NCF2: variants seen among roughly 807,000 people sequenced by gnomAD.
The protein encoded by NCF2 is neutrophil cytosol factor 2.
In NCF2, 45 loss-of-function variants were observed where a neutral mutation model predicts 70.9. That is an observed-to-expected ratio of 0.63 (90% CI 0.50 to 0.81). The LOEUF (loss-of-function observed/expected upper bound fraction) is 0.81, where lower values mean the gene tolerates loss of function less well. NCF2 is among the 40% of genes least tolerant of loss of function. The pLI is 0.00. For missense variants in NCF2, 522 were observed against 631.6 expected, an observed-to-expected ratio of 0.83 and a Z score of 1.86; for synonymous variants, 203 against 233.6, an observed-to-expected ratio of 0.87 and a Z score of 1.19.
chr1:183,558,238 CT>C (rs961453842), intron 14 of NCF2, among the ~76,000 whole-genome samples: 8 of 150,710 alleles, frequency 5.3e-5, no homozygotes, highest in East Asian at 1.9e-4. Context: ...CCCCCATTAA[CT>C]TTTTTTTTAA....
the NCF2 span, among the ~76,000 whole-genome samples, chr1:183,601,040 C>T: frequency 5.3e-5 from 8 of 152,146 alleles, no homozygotes; most frequent in African/African-American, 1.7e-4. Context: ...AGAATATATT[C>T]ACATGGTTCA....
chr1:183,577,879 A>T (rs1672870025), intron 2 of NCF2, among the ~76,000 whole-genome samples, 172 bp from the exon 3 acceptor site: 1 of 151,694 alleles, frequency 6.6e-6, no homozygotes, highest in Non-Finnish European at 1.5e-5. Context: ...ATTCTATACA[A>T]CTCCTTGGGA....
At chr1:183,601,360 T>C in the NCF2 span, among the ~76,000 whole-genome samples, 1 of 152,254 alleles carries the variant, frequency 6.6e-6, no homozygotes, top group Non-Finnish European at 1.5e-5. Flanking sequence ...TCCAATTGTA[T>C]ACTATCATCA....
At chr1:183,587,252 C>T (rs2102935316) in intron 1 of NCF2, among the ~76,000 whole-genome samples, 1 of 152,312 alleles carries the variant, frequency 6.6e-6, no homozygotes, top group South Asian at 2.1e-4. Context: ...CATATACCAT[C>T]TGATTTCTGC....
At chr1:183,593,919 T>C (rs190433190), upstream of NCF2, among the ~76,000 whole-genome samples, 1 of 152,206 alleles carries the variant, frequency 6.6e-6, no homozygotes, top group East Asian at 1.9e-4. Flanking sequence ...TCCCCAGTGA[T>C]AAAAAATAAA....
intron 13 of NCF2, among the ~76,000 whole-genome samples, chr1:183,561,079 GCC>G (rs1672025127): frequency 6.6e-6 from 1 of 152,170 alleles, no homozygotes; most frequent in Non-Finnish European, 1.5e-5. Context: ...ACTGCACAAT[GCC>G]ATACTTGTTT....
chr1:183,577,982 ACTGTCAC>A (rs1169804519), intron 2 of NCF2, among the ~76,000 whole-genome samples: 5 of 152,168 alleles, frequency 3.3e-5, no homozygotes, highest in African/African-American at 9.7e-5. Flanking sequence ...ACTGCATACA[ACTGTCAC>A]CTTTCTGACA....
At chr1:183,563,140 G>A (rs939259602) in intron 13 of NCF2, 55 bp downstream of exon 13, 11 of 1,503,850 alleles carry the variant, frequency 7.3e-6, no homozygotes, top group Admixed American at 1.7e-5. Flanking sequence ...ATTTCAAATT[G>A]TTGAGGAAGT....
intron 14 of NCF2, among the ~76,000 whole-genome samples, chr1:183,557,171 T>C (rs1671828315): frequency 6.6e-6 from 1 of 152,244 alleles, no homozygotes; most frequent in Non-Finnish European, 1.5e-5. Flanking sequence ...TTCAGAGCCA[T>C]TCTGCCAGTA....
Position 183,563,418 on chromosome 1 carries a change from C to T in NCF2, c.1178+16G>A, listed in dbSNP as rs1325005888. 5.0e-6 allele frequency: 8 copies of T among 1,614,080 alleles called. No homozygotes were observed. In the Admixed American group the frequency reaches 1.0e-4, roughly 20 times the overall value. ...GTTCCCACTGTACCCCTCACAGCTG[C>T]CTGCATGGAGCTCACCTCAGCTTAG... On this transcript the variant is annotated intron_variant, in intron 12 of 14. Transcript: ENST00000367535.
chr1:183,562,994 G>T (rs192417377), intron 13 of NCF2, among the ~76,000 whole-genome samples: 4 of 152,162 alleles, frequency 2.6e-5, no homozygotes, highest in Non-Finnish European at 5.9e-5. Context: ...TGGGCCTGCT[G>T]TTCTCTTGTG....
rs533434483 is a variant in NCF2 at position 183,558,166 on chromosome 1, G to A, written c.1468+1930C>T. Among the ~76,000 whole-genome samples, 47 of 151,888 alleles carry A rather than the reference G, an allele frequency of 3.1e-4. No individual in the cohort carries two copies. In the South Asian group the frequency reaches 5.2e-3, roughly 17 times the overall value. On this transcript the variant is annotated intron_variant, in intron 14 of 14. Coordinates refer to ENST00000367535, the MANE Select transcript of NCF2 (RefSeq NM_000433.4). ...TGGGGTTACCAGCATGAGCCACCAC[G>A]CCCAGCCTATACTACTCATATTTTT... is the stretch of plus-strand genomic sequence containing the variant.
chr1:183,582,903 G>A (rs1413235107), intron 2 of NCF2, among the ~76,000 whole-genome samples: 15 of 152,096 alleles, frequency 9.9e-5, no homozygotes, highest in Non-Finnish European at 1.5e-4. Flanking sequence ...TCAGAAATGT[G>A]CTCTAACTTT....
At chr1:183,572,734 G>T (rs1359137039) in intron 5 of NCF2, among the ~76,000 whole-genome samples, 3 of 151,918 alleles carry the variant, frequency 2.0e-5, no homozygotes, top group African/African-American at 7.3e-5. Flanking sequence ...TGAACTCCTG[G>T]GCTCAAGTGA....
chr1:183,581,192 G>C (rs1317429651), intron 2 of NCF2, among the ~76,000 whole-genome samples: 1 of 142,772 alleles, frequency 7.0e-6, no homozygotes, highest in Non-Finnish European at 1.5e-5. Context: ...TGAGGTTGGA[G>C]AATCACCTGA....
chr1:183,583,912 T>C (rs1012391070), intron 2 of NCF2, among the ~76,000 whole-genome samples: 8 of 152,186 alleles, frequency 5.3e-5, no homozygotes, highest in Non-Finnish European at 4.4e-5. Context: ...CTCTGGAATA[T>C]GAATGGAGGG....
intron 7 of NCF2, chr1:183,567,585 A>G (rs1047237607): frequency 4.8e-6 from 3 of 621,418 alleles, no homozygotes; most frequent in African/African-American, 3.6e-5. Flanking sequence ...ACCCCACAAC[A>G]CTAGATAGTG....
chr1:183,571,592 C>A (rs1672566798), intron 5 of NCF2, among the ~76,000 whole-genome samples: 1 of 152,192 alleles, frequency 6.6e-6, no homozygotes, highest in African/African-American at 2.4e-5. Flanking sequence ...AACCGGTTTG[C>A]TTTCTGTGAC....
chr1:183,589,493 C>CA (rs1178840102), intron 1 of NCF2, among the ~76,000 whole-genome samples: 3 of 152,084 alleles, frequency 2.0e-5, no homozygotes, highest in Admixed American at 6.5e-5. Flanking sequence ...CACAACCAAT[C>CA]AAAAAAATAA....
Sources: allele counts gnomAD v4.1 joint callset (sites outside exome capture counted in the v4.1 genomes callset), GRCh38; gene constraint gnomAD v4.1.1; transcripts MANE v1.5; gene names NCBI Gene and HGNC (gene_info 2026-07-23, HGNC 2026-07-21).